Variants in CSKMT observed in about 807,000 individuals in gnomAD.
CSKMT encodes citrate synthase lysine methyltransferase.
Under a neutral mutation model 4.6 loss-of-function variants are expected in CSKMT, and 6 were observed. The observed-to-expected ratio is 1.31, with a 90% CI of 0.72 to 2.59. The LOEUF (loss-of-function observed/expected upper bound fraction) is 2.59, where lower values mean the gene tolerates loss of function less well. CSKMT is among the 30% of genes most tolerant of loss of function. The pLI, the probability that CSKMT is intolerant of heterozygous loss-of-function variation, is 0.00. For missense variants in CSKMT, 328 were observed against 298.0 expected, an observed-to-expected ratio of 1.10 and a Z score of -0.74; for synonymous variants, 142 against 128.9, an observed-to-expected ratio of 1.10 and a Z score of -0.69.
intron 2 of CSKMT, 199 bp downstream of exon 2, chr11:62,666,145 G>C (rs762131721): frequency 3.5e-5 from 26 of 737,116 alleles, no homozygotes; most frequent in Non-Finnish European, 4.6e-5. Context: ...CCAGGAGTTC[G>C]AGACCAACCT....
intron 2 of CSKMT, chr11:62,666,152 A>G: frequency 8.4e-6 from 6 of 717,126 alleles, no homozygotes; most frequent in Middle Eastern, 4.0e-4. Context: ...TTCGAGACCA[A>G]CCTAGGGCAA....
At position 62,666,956 on chromosome 11, in the gene CSKMT, G is replaced by C; in HGVS notation, c.628G>C (p.Glu210Gln). 1.2e-6 allele frequency: 2 copies of C among 1,614,176 alleles called. No homozygotes were observed. Among genetic ancestry groups the C allele is most frequent in the Non-Finnish European group, 1.7e-6 (2 of 1,180,028 alleles). The change falls in exon 3 of 3, where the codon GAA becomes CAA. Residue 210 changes from glutamate (E) to glutamine (Q), a missense_variant. By Grantham distance (29) the Glu-to-Gln change is conservative. Transcript: ENST00000532971. The part of the protein sequence containing the change: ...EDPDVRLPCL[E>Q]QGSYGWTVTV... ...CCCTGATGTGCGACTGCCCTGCCTG[G>C]AACAAGGGTCCTATGGCTGGACTGT...
In CSKMT at chr11:62,666,853, T is replaced by A; in HGVS notation, c.525T>A (p.Pro175=). Residue 175 remains proline, a synonymous_variant, in exon 3 of 3, where the codon CCT becomes CCA. Coordinates refer to ENST00000532971, the MANE Select transcript of CSKMT (RefSeq NM_001043229.2). ...ATGCTGTTGCCCGGGGAGGTCTGCC[T>A]AGGGCTTACCAGCTTCTATCAGAAT... ...TWDAVARGGL[P]RAYQLLSECL... 1 of 1,614,186 alleles carries A rather than the reference T, an allele frequency of 6.2e-7. No individual in the cohort carries two copies. Among genetic ancestry groups the A allele is most frequent in the Non-Finnish European group, 8.5e-7 (1 of 1,180,028 alleles).
In CSKMT at chr11:62,667,154, G is replaced by C. The variant is rs1177876526; in HGVS notation, c.*103G>C. The C allele has an allele frequency of 2.5e-6, 3 of 1,223,144 alleles. No individual in the cohort carries two copies. In the African/African-American group the frequency reaches 4.6e-5, roughly 19 times the overall value. The allele number at this position is 1,223,144 out of a possible 1,614,324, so 75.8% of individuals were successfully genotyped here. A position where few individuals can be genotyped will look rare whatever the true frequency, so the allele number is the denominator to read the frequency against. The stretch of plus-strand genomic sequence containing the variant: ...GCTGCAAAGTGAGAATTTGAGTCCT[G>C]GCTTCCACATTTACTAGCTGGGTGC... On this transcript the variant is annotated 3_prime_UTR_variant, in exon 3 of 3. Coordinates refer to ENST00000532971, the MANE Select transcript of CSKMT (RefSeq NM_001043229.2).
intron 1 of CSKMT, 142 bp from the exon 2 acceptor site, chr11:62,665,505 G>C: frequency 6.4e-7 from 1 of 1,573,222 alleles, no homozygotes; most frequent in East Asian, 2.3e-5. Context: ...TGGCCCCCTC[G>C]GCGTCATGTC....
rs777003067 is a variant in CSKMT at position 62,666,485 on chromosome 11, T to C, written c.157T>C (p.Trp53Arg). The C allele has an allele frequency of 1.9e-6, 3 of 1,614,048 alleles. No individual in the cohort carries two copies. Among genetic ancestry groups the C allele is most frequent in the Admixed American group, 3.3e-5 (2 of 60,024 alleles). Residue 53 changes from tryptophan (W) to arginine (R), a missense_variant, in exon 3 of 3, where the codon TGG becomes CGG. By Grantham distance (101) the Trp-to-Arg change is moderately radical. Coordinates refer to ENST00000532971, the MANE Select transcript of CSKMT (RefSeq NM_001043229.2). The stretch of plus-strand genomic sequence containing the variant: ...TTTGGGCACTGTCCCCACCTTCGAC[T>C]GGTTCTTTGGATACGACGAAGTCCA... Reference protein sequence around the residue: ...PRLGTVPTFDWFFGYDEVQGL... With the variant: ...PRLGTVPTFDRFFGYDEVQGL...
chr11:62,666,543 A>T lies in CSKMT; in HGVS notation c.215A>T (p.Gln72Leu). The T allele has an allele frequency of 6.2e-7, 1 of 1,614,160 alleles. No homozygotes were observed. The highest frequency in any genetic ancestry group is 1.1e-5 in the South Asian group (1 of 91,088). ...GLLLPLLQEA[Q>L]AASPLRVLDV... ...CTACTGCCATTGCTGCAGGAGGCAC[A>T]GGCTGCCAGTCCTCTGCGAGTGCTG... The change falls in exon 3 of 3, where the codon CAG becomes CTG. Residue 72 changes from glutamine (Q) to leucine (L), a missense_variant. Coordinates refer to ENST00000532971, the MANE Select transcript of CSKMT (RefSeq NM_001043229.2).
rs1302801040 is a variant in CSKMT at position 62,667,041 on chromosome 11, G to T, written c.713G>T (p.Gly238Val). Residue 238 changes from glycine (G) to valine (V), a missense_variant, in exon 3 of 3, where the codon GGC (glycine) becomes GTC (valine). Coordinates refer to ENST00000532971, the MANE Select transcript of CSKMT (RefSeq NM_001043229.2). ...ACCTACTTTGCTTACTTGATTCAAG[G>T]CTCTCATTAAAGACATTTTAGTAGT... is the stretch of plus-strand genomic sequence containing the variant. ...GITYFAYLIQ[G>V]SH is the part of the protein sequence containing the mutation. 6.3e-7 allele frequency: 1 copy of T among 1,599,360 alleles called. No homozygotes were observed. Among genetic ancestry groups the T allele is most frequent in the Non-Finnish European group, 8.5e-7 (1 of 1,172,908 alleles).
At chr11:62,665,558 C>A (rs756247498) in intron 1 of CSKMT, 89 bp from the exon 2 acceptor site, 8 of 1,568,160 alleles carry the variant, frequency 5.1e-6, no homozygotes, top group South Asian at 1.1e-5. Flanking sequence ...TATCCTCAAA[C>A]GCCGGGACAC....
At position 62,665,751 on chromosome 11, in the gene CSKMT, G is replaced by A. The variant is rs2134620622; in HGVS notation, c.-129G>A. ...TCTTTTTTCCGGGACTGCAGAGTTC[G>A]GGGAAGCTGTACGCCGCCTTTCGCT... On this transcript the variant is annotated 5_prime_UTR_variant, in exon 2 of 3. Coordinates refer to ENST00000532971, the MANE Select transcript of CSKMT (RefSeq NM_001043229.2). The A allele has an allele frequency of 1.3e-6, 2 of 1,494,890 alleles. No homozygotes were observed. Among genetic ancestry groups the A allele is most frequent in the Non-Finnish European group, 1.8e-6 (2 of 1,121,852 alleles). 92.6% of individuals were successfully genotyped at this position (1,494,890 alleles called of 1,614,324 possible).
chr11:62,667,819 G>T lies in CSKMT; in HGVS notation c.*768G>T. On this transcript the variant is annotated 3_prime_UTR_variant, in exon 3 of 3. Coordinates refer to ENST00000532971, the MANE Select transcript of CSKMT (RefSeq NM_001043229.2). ...CAAATTACAAAACTAGGCCAGGCAT[G>T]CTGGCTCATACCTATAATCACAGCA... 9.1e-7 allele frequency: 1 copy of T among 1,094,996 alleles called. No individual in the cohort carries two copies. The highest frequency in any genetic ancestry group is 1.4e-6 in the Non-Finnish European group (1 of 734,562). 67.8% of individuals were successfully genotyped at this position (1,094,996 alleles called of 1,614,324 possible).
chr11:62,666,136 C>G (rs886556072), intron 2 of CSKMT, 190 bp downstream of exon 2: 1 of 784,942 alleles, frequency 1.3e-6, no homozygotes, highest in East Asian at 2.7e-5. Flanking sequence ...TCGCTTGGCC[C>G]AGGAGTTCGA....
chr11:62,666,096 C>T, intron 2 of CSKMT, 150 bp downstream of exon 2: 1 of 966,766 alleles, frequency 1.0e-6, no homozygotes, highest in South Asian at 1.6e-5. Flanking sequence ...GGCTGTAATG[C>T]TAACACTTTG....
Position 62,667,789 on chromosome 11 carries a change from A to G in CSKMT, c.*738A>G, listed in dbSNP as rs542608835. ...GAGGGGACAAAAATATTACTGATAT[A>G]TTATCAAATTACAAAACTAGGCCAG... On this transcript the variant is annotated 3_prime_UTR_variant, in exon 3 of 3. Coordinates refer to ENST00000532971, the MANE Select transcript of CSKMT (RefSeq NM_001043229.2). 1.2e-5 allele frequency: 16 copies of G among 1,359,590 alleles called. No individual in the cohort carries two copies. In the South Asian group the frequency reaches 1.4e-4, roughly 12 times the overall value. 84.2% of individuals were successfully genotyped at this position (1,359,590 alleles called of 1,614,324 possible).
At chr11:62,666,057 C>A in intron 2 of CSKMT, 111 bp downstream of exon 2, 1 of 1,258,210 alleles carries the variant, frequency 7.9e-7, no homozygotes, top group Non-Finnish European at 1.1e-6. Flanking sequence ...ATTCTCAAAC[C>A]CTACGGTGGG....
At position 62,667,526 on chromosome 11, in the gene CSKMT, C is replaced by T. The variant is rs775079346; in HGVS notation, c.*475C>T. ...AGGGGGAGGGAACAATACTTACCCT[C>T]AAAGCTATTAGGAGGCAGGAGATGG... On this transcript the variant is annotated 3_prime_UTR_variant, in exon 3 of 3. Transcript: ENST00000532971. 169 of 1,613,818 alleles carry T rather than the reference C, an allele frequency of 1.0e-4. No homozygotes were observed. Among genetic ancestry groups the T allele is most frequent in the Non-Finnish European group, 1.4e-4 (160 of 1,179,910 alleles).
Position 62,667,070 on chromosome 11 carries a change from G to C in CSKMT, c.*19G>C. 3 of 1,552,624 alleles carry C rather than the reference G, an allele frequency of 1.9e-6. No homozygotes were observed. The highest frequency in any genetic ancestry group is 2.6e-6 in the Non-Finnish European group (3 of 1,150,904). On this transcript the variant is annotated 3_prime_UTR_variant, in exon 3 of 3. Transcript: ENST00000532971. ...TCATTAAAGACATTTTAGTAGTCCTGACCCTAGTATTTCTGTGGGCAAGGA... is the reference window on the plus strand; with the variant it reads ...TCATTAAAGACATTTTAGTAGTCCTCACCCTAGTATTTCTGTGGGCAAGGA...
chr11:62,666,766 GA>G lies in CSKMT; in HGVS notation c.440del (p.Asn147ThrfsTer39). 6.2e-7 allele frequency: 1 copy of G among 1,614,204 alleles called. No individual in the cohort carries two copies. Among genetic ancestry groups the G allele is most frequent in the Non-Finnish European group, 8.5e-7 (1 of 1,180,034 alleles). On this transcript the variant is annotated frameshift_variant, in exon 3 of 3. Transcript: ENST00000532971. LOFTEE classifies it high-confidence loss of function. Reference sequence around the variant, plus strand: ...TCCACTTCATGCACGCCGATGCTCAGAACCTGGGGGCTGTGGCTTCTTCAGG... The same window carrying G: ...TCCACTTCATGCACGCCGATGCTCAGACCTGGGGGCTGTGGCTTCTTCAGG... ...SLHFMHADAQ[N>X]LGAVASSGSF...
Position 62,665,947 on chromosome 11 carries a change from G to T in CSKMT, c.67+1G>T. ...ATGGGGACGTGCCGCCCCTTTGCGG[G>T]TAGGGAGGTGGGGGCAGAGTGGAGA... On this transcript the variant is annotated splice_donor_variant, in intron 2 of 2. Transcript: ENST00000532971. LOFTEE classifies it high-confidence loss of function. 1 of 1,611,060 alleles carries T rather than the reference G, an allele frequency of 6.2e-7. No individual in the cohort carries two copies. Among genetic ancestry groups the T allele is most frequent in the South Asian group, 1.1e-5 (1 of 91,042 alleles).
Sources: gnomAD v4.1 joint callset for allele counts on GRCh38, gnomAD v4.1.1 for gene constraint, MANE v1.5 for transcripts, NCBI Gene and HGNC (gene_info 2026-07-23, HGNC 2026-07-21) for gene names.